FCRLB: variants seen among roughly 807,000 people sequenced by gnomAD.
The protein encoded by FCRLB is Fc receptor-like B.
A neutral mutation model predicts 33.6 loss-of-function variants in FCRLB; 34 were observed. That is an observed-to-expected ratio of 1.01 (90% CI 0.77 to 1.35). The LOEUF (loss-of-function observed/expected upper bound fraction) is 1.35, where lower values mean the gene tolerates loss of function less well. FCRLB is among the 40% of genes most tolerant of loss of function. FCRLB has a pLI of 0.00. For synonymous variants in FCRLB, 280 were observed against 255.9 expected, an observed-to-expected ratio of 1.09 and a Z score of -0.90; for missense variants, 560 against 580.2, an observed-to-expected ratio of 0.97 and a Z score of 0.36.
intron 5 of FCRLB, 29 bp downstream of exon 5, chr1:161,723,650 G>GA: frequency 6.2e-7 from 1 of 1,602,108 alleles, no homozygotes; most frequent in Non-Finnish European, 8.5e-7. Context: ...AGGGGAGGGG[G>GA]AGCACGTGTC....
chr1:161,727,095 C>T (rs28551494), intron 7 of FCRLB, 102 bp downstream of exon 7: 6 of 1,323,770 alleles, frequency 4.5e-6, no homozygotes, highest in Middle Eastern at 2.7e-4. Flanking sequence ...TCCCGTCCCG[C>T]CCCCCGCCTT....
At chr1:161,727,147 G>A (rs1177817716) in intron 7 of FCRLB, 100 bp from the exon 8 acceptor site, 1 of 1,199,162 alleles carries the variant, frequency 8.3e-7, no homozygotes, top group Non-Finnish European at 1.1e-6. Flanking sequence ...CCCCTCTTCC[G>A]GCCTTCCCCA....
At chr1:161,727,262 C>T (rs747943404) in exon 8 of FCRLB, 3 of 1,607,358 alleles carry the variant, frequency 1.9e-6, no homozygotes, top group Non-Finnish European at 2.6e-6. Flanking sequence ...CCCCTGGACC[C>T]GGCCTCCACC....
chr1:161,726,782 C>G lies in FCRLB; in HGVS notation c.654C>G (p.Arg218=). The G allele has an allele frequency of 6.4e-7, 1 of 1,572,334 alleles. No individual in the cohort carries two copies. The highest frequency in any genetic ancestry group is 8.6e-7 in the Non-Finnish European group (1 of 1,162,218). The change falls in exon 7 of 8, where the codon CGC becomes CGG. Residue 218 remains arginine, a synonymous_variant. Transcript: ENST00000367948. This position sits in a 1 kb window ranked among gnomAD's most constrained non-coding sequence, Gnocchi z 5.2. ...CGGCGCTGGGTGGGGTGGTGCTGCGCTGCGACACGCGCCTGCACCCGCAGA... is the reference window on the plus strand; with the variant it reads ...CGGCGCTGGGTGGGGTGGTGCTGCGGTGCGACACGCGCCTGCACCCGCAGA...
In FCRLB at chr1:161,726,647, G is replaced by A. The variant is rs921983267; in HGVS notation, c.575-56G>A. ...GAGCCCTCGCGGGAAGCAGGAAGGA[G>A]CGGGGTCGCGGAGCGGTGGACAAGC... On this transcript the variant is annotated intron_variant, in intron 6 of 7. Coordinates refer to ENST00000367948, the Ensembl canonical transcript of FCRLB. This position sits in a 1 kb window ranked among gnomAD's most constrained non-coding sequence, Gnocchi z 5.2. 2 of 1,549,406 alleles carry A rather than the reference G, an allele frequency of 1.3e-6. No individual in the cohort carries two copies. The highest frequency in any genetic ancestry group is 2.7e-5 in the African/African-American group (2 of 73,682).
Position 161,727,499 on chromosome 1 carries a change from T to C in FCRLB, c.1118T>C (p.Leu373Pro), listed in dbSNP as rs895182682. 5 of 1,614,034 alleles carry C rather than the reference T, an allele frequency of 3.1e-6. No homozygotes were observed. The highest frequency in any genetic ancestry group is 1.7e-5 in the Admixed American group (1 of 60,010). Residue 373 changes from leucine to proline, a missense_variant, in exon 8 of 8, where the codon CTT (leucine) becomes CCT (proline). By Grantham distance (98) the Leu-to-Pro change is moderately conservative. Transcript: ENST00000367948. ...GGAGCCCTGAAACCCGACGTGGACC[T>C]TCTGCTCCGAGAAATGCAGCTGCTC...
exon 6 of FCRLB, chr1:161,725,853 G>T (rs757723583): frequency 1.2e-6 from 2 of 1,613,462 alleles, no homozygotes; most frequent in Non-Finnish European, 8.5e-7. Flanking sequence ...CTATGCGCCA[G>T]TGTTCGAGGG....
rs1683594102 is a variant in FCRLB, at chr1:161,726,861, C to G, written c.733C>G (p.Arg245Gly). 1.9e-6 allele frequency: 3 copies of G among 1,577,302 alleles called. No homozygotes were observed. Among genetic ancestry groups the G allele is most frequent in the Non-Finnish European group, 2.6e-6 (3 of 1,161,522 alleles). The change falls in exon 7 of 8, where the codon CGC becomes GGC. Residue 245 changes from arginine to glycine, a missense_variant. Transcript: ENST00000367948. This position sits in a 1 kb window ranked among gnomAD's most constrained non-coding sequence, Gnocchi z 5.2. ...TTACAAGTACAGCCGCGCGGTGCGC[C>G]GCTTCGACTGGGGCGCCGAGTACAC...
chr1:161,725,999 C>G (rs1252905061), exon 6 of FCRLB: 1 of 1,614,070 alleles, frequency 6.2e-7, no homozygotes, highest in Admixed American at 1.7e-5. Context: ...GTGCCAGCGA[C>G]AGCGGGCGCT....
chr1:161,722,224 A>G (rs1683395755), intron 2 of FCRLB, among the ~76,000 whole-genome samples: 1 of 152,154 alleles, frequency 6.6e-6, no homozygotes, highest in Non-Finnish European at 1.5e-5. Context: ...AGCAGGAAAA[A>G]GGTCCTTAAG....
chr1:161,725,629 C>T (rs3738331), intron 5 of FCRLB, among the ~76,000 whole-genome samples, 192 bp from the exon 6 acceptor site: 11,026 of 151,316 alleles, frequency 0.073, 469 homozygotes, highest in East Asian at 0.11. Context: ...GCGACAAGAG[C>T]AAGACCATGT....
At position 161,725,997 on chromosome 1, in the gene FCRLB, G is replaced by T. The variant is rs770419608; in HGVS notation, c.484G>T (p.Asp162Tyr). 2.5e-6 allele frequency: 4 copies of T among 1,614,182 alleles called. No individual in the cohort carries two copies. The South Asian group carries it at 3.3e-5, about 13-fold the overall frequency. Reference sequence around the variant, plus strand: ...CACTGTGTTACAGGCGCGTGCCAGCGACAGCGGGCGCTACCAGTGCTCGGG... The same window carrying T: ...CACTGTGTTACAGGCGCGTGCCAGCTACAGCGGGCGCTACCAGTGCTCGGG... Residue 162 changes from aspartate to tyrosine, a missense_variant, in exon 6 of 8, where the codon GAC becomes TAC. Transcript: ENST00000367948.
intron 2 of FCRLB, 33 bp from the exon 3 acceptor site, chr1:161,722,620 A>G (rs371719869): frequency 1.2e-6 from 2 of 1,609,076 alleles, no homozygotes; most frequent in African/African-American, 2.7e-5. Flanking sequence ...TCTGTTCCCC[A>G]TCTCATGCCA....
intron 5 of FCRLB, among the ~76,000 whole-genome samples, chr1:161,724,251 AG>A (rs1004546758): frequency 7.9e-5 from 12 of 152,164 alleles, no homozygotes; most frequent in Non-Finnish European, 1.8e-4. Flanking sequence ...AGATGCTTGA[AG>A]GGTTTTAAAA....
At position 161,726,522 on chromosome 1, in the gene FCRLB, G is replaced by A. The variant is rs1166551196; in HGVS notation, c.575-181G>A. The A allele has an allele frequency of 1.1e-6, 1 of 875,846 alleles. No individual in the cohort carries two copies. The highest frequency in any genetic ancestry group is 1.8e-6 in the Non-Finnish European group (1 of 544,166). 54.3% of individuals were successfully genotyped at this position (875,846 alleles called of 1,614,324 possible). On this transcript the variant is annotated intron_variant, in intron 6 of 7. Transcript: ENST00000367948. This position sits in a 1 kb window ranked among gnomAD's most constrained non-coding sequence, Gnocchi z 5.2. ...CTTTCAAGCTTTCCCCGTCCCTCGT[G>A]GACTCGGTCCCCCTGCCCCACATTT...
At position 161,727,010 on chromosome 1, in the gene FCRLB, C is replaced by A; in HGVS notation, c.865+17C>A. Reference sequence around the variant, plus strand: ...CGGGGCCGGGTGAGTGCCTGCACACCCTCCCGGACGCCGACCCTGGCGGTC... The same window carrying A: ...CGGGGCCGGGTGAGTGCCTGCACACACTCCCGGACGCCGACCCTGGCGGTC... On this transcript the variant is annotated intron_variant, in intron 7 of 7. Transcript: ENST00000367948. 6.7e-7 allele frequency: 1 copy of A among 1,490,108 alleles called. No homozygotes were observed. 92.3% of individuals were successfully genotyped at this position (1,490,108 alleles called of 1,614,324 possible).
Position 161,726,861 on chromosome 1 carries a change from C to T in FCRLB, c.733C>T (p.Arg245Cys), listed in dbSNP as rs1683594102. 6.3e-7 allele frequency: 1 copy of T among 1,577,416 alleles called. No individual in the cohort carries two copies. Among genetic ancestry groups the T allele is most frequent in the African/African-American group, 1.4e-5 (1 of 73,960 alleles). The change falls in exon 7 of 8, where the codon CGC becomes TGC. Residue 245 changes from arginine to cysteine, a missense_variant. By Grantham distance (180) the Arg-to-Cys change is radical. Coordinates refer to ENST00000367948, the Ensembl canonical transcript of FCRLB. This position sits in a 1 kb window ranked among gnomAD's most constrained non-coding sequence, Gnocchi z 5.2. ...TTACAAGTACAGCCGCGCGGTGCGC[C>T]GCTTCGACTGGGGCGCCGAGTACAC... is the stretch of plus-strand genomic sequence containing the variant.
chr1:161,723,246 C>A, intron 4 of FCRLB, 121 bp from the exon 5 acceptor site: 1 of 1,274,062 alleles, frequency 7.8e-7, no homozygotes, highest in Non-Finnish European at 1.1e-6. Flanking sequence ...TGGGTTAGTA[C>A]ATGGGCTGGG....
intron 7 of FCRLB, 62 bp from the exon 8 acceptor site, chr1:161,727,185 C>T: frequency 6.6e-7 from 1 of 1,514,698 alleles, no homozygotes; most frequent in Non-Finnish European, 8.8e-7. Context: ...ACGCCCCTCC[C>T]CCAGCCCAGC....
Sources: gnomAD v4.1 joint callset for allele counts (sites outside exome capture counted in the v4.1 genomes callset) on GRCh38, gnomAD v4.1.1 for gene constraint, Gnocchi (gnomAD v3.1) non-coding constraint, MANE v1.5 for transcripts, NCBI Gene and HGNC (gene_info 2026-07-23, HGNC 2026-07-21) for gene names.